ATXN7: variants seen among roughly 807,000 people sequenced by gnomAD.
ATXN7 encodes the protein ataxin-7.
A neutral mutation model predicts 70.5 loss-of-function variants in ATXN7; 12 were observed. The ratio of observed to expected loss-of-function variants is 0.17; its 90% confidence interval spans 0.11 to 0.28. ATXN7 has a LOEUF of 0.28. Ranked by LOEUF, ATXN7 falls within the 10% of genes least tolerant of loss-of-function variation. The pLI, the probability that ATXN7 is intolerant of heterozygous loss-of-function variation, is 1.00. For missense variants in ATXN7, 1,256 were observed against 1,131.7 expected (o/e 1.11, Z -1.58); for synonymous variants, 498 against 448.7 (o/e 1.11, Z -1.39).
intron 5 of ATXN7, among the ~76,000 whole-genome samples, chr3:63,958,693 A>G (rs1437535491): frequency 6.6e-6 from 1 of 152,212 alleles, no homozygotes; most frequent in Non-Finnish European, 1.5e-5. Context: ...TGCTAAATTT[A>G]AGTCCACTGA....
intron 1 of ATXN7, among the ~76,000 whole-genome samples, chr3:63,883,540 TA>T (rs3836523): frequency 0.11 from 16,703 of 146,076 alleles, 1,040 homozygotes; most frequent in Admixed American, 0.16. Context: ...TATTCCCAAT[TA>T]AAAAAAAAAA....
intron 8 of ATXN7, among the ~76,000 whole-genome samples, 175 bp downstream of exon 8, chr3:63,983,196 T>TG (rs1377101941): frequency 1.3e-5 from 2 of 152,200 alleles, no homozygotes; most frequent in East Asian, 3.9e-4. Context: ...ATTGACAAAA[T>TG]GTGAAGTGCG....
intron 4 of ATXN7, among the ~76,000 whole-genome samples, chr3:63,949,733 G>A (rs2074923660): frequency 6.6e-6 from 1 of 152,132 alleles, no homozygotes; most frequent in African/African-American, 2.4e-5. Flanking sequence ...AATGAACTGG[G>A]TTTAAGTATA....
chr3:63,914,181 G>A (rs1011414411), intron 4 of ATXN7, among the ~76,000 whole-genome samples: 1 of 152,174 alleles, frequency 6.6e-6, no homozygotes, highest in Non-Finnish European at 1.5e-5. Context: ...TATGGCCCAA[G>A]GATAGGTAGA....
intron 5 of ATXN7, among the ~76,000 whole-genome samples, chr3:63,977,430 G>C (rs570917717): frequency 1.3e-5 from 2 of 152,232 alleles, no homozygotes; most frequent in African/African-American, 4.8e-5. Flanking sequence ...TTAAAAGTCA[G>C]AGTTCTAGTT....
In ATXN7 at chr3:63,952,835, CTTTTTTTTTTT is replaced by C. The variant is rs59256288; in HGVS notation, c.499+373_499+383del. Reference sequence around the variant, plus strand: ...ACACTCACAATATGGATGCATGGGCCTTTTTTTTTTTTTTTTTTTTTTTTTTTTTTTAAGGA... The same window carrying C: ...ACACTCACAATATGGATGCATGGGCCTTTTTTTTTTTTTTTTTTTTAAGGA... On this transcript the variant is annotated intron_variant, in intron 5 of 12. Coordinates refer to ENST00000674280, the MANE Select transcript of ATXN7 (RefSeq NM_001377405.1). Among the ~76,000 whole-genome samples, 161 of 49,174 alleles carry C rather than the reference CTTTTTTTTTTT, an allele frequency of 3.3e-3. 3 individuals carry two copies. The highest frequency in any genetic ancestry group is 0.015 in the African/African-American group (147 of 9,816). 32.3% of individuals were successfully genotyped at this position (49,174 alleles called of 152,430 possible).
At chr3:63,868,682 T>A (rs564567864) in intron 1 of ATXN7, among the ~76,000 whole-genome samples, 12 of 152,128 alleles carry the variant, frequency 7.9e-5, no homozygotes, top group Middle Eastern at 3.4e-3. Context: ...CAGGAAGAAA[T>A]GATAGCCACC....
At chr3:63,891,288 C>T (rs1703255468) in intron 1 of ATXN7, among the ~76,000 whole-genome samples, 2 of 151,870 alleles carry the variant, frequency 1.3e-5, no homozygotes, top group Non-Finnish European at 1.5e-5. Flanking sequence ...GGATTACAGG[C>T]GTGAGCGACG....
At chr3:63,988,639 C>T (rs1206371846) in intron 9 of ATXN7, among the ~76,000 whole-genome samples, 1 of 152,210 alleles carries the variant, frequency 6.6e-6, no homozygotes, top group Non-Finnish European at 1.5e-5. Context: ...GTGACAGGAA[C>T]TCTTCACATG....
At chr3:63,886,640 T>C (rs536268238) in intron 1 of ATXN7, among the ~76,000 whole-genome samples, 16 of 152,358 alleles carry the variant, frequency 1.1e-4, no homozygotes, top group Non-Finnish European at 1.9e-4. Flanking sequence ...GAACTCTCTG[T>C]ATAATCTTTG....
intron 5 of ATXN7, among the ~76,000 whole-genome samples, chr3:63,971,566 A>G (rs867768554): frequency 1.3e-5 from 2 of 152,218 alleles, no homozygotes; most frequent in African/African-American, 4.8e-5. Flanking sequence ...GTTGACAACA[A>G]TGAAAGTAGT....
intron 1 of ATXN7, among the ~76,000 whole-genome samples, chr3:63,892,541 G>C (rs1007690253): frequency 6.6e-6 from 1 of 151,548 alleles, no homozygotes; most frequent in Non-Finnish European, 1.5e-5. Context: ...CGGAGTACTG[G>C]ACTTTAATTT....
At chr3:63,979,354 AT>A (rs1435424034) in intron 5 of ATXN7, among the ~76,000 whole-genome samples, 1 of 152,232 alleles carries the variant, frequency 6.6e-6, no homozygotes, top group Non-Finnish European at 1.5e-5. Flanking sequence ...TCACTGGAAA[AT>A]TTCAGCACAG....
intron 5 of ATXN7, among the ~76,000 whole-genome samples, chr3:63,973,892 A>G (rs1225779699): frequency 6.6e-6 from 1 of 152,062 alleles, no homozygotes; most frequent in Non-Finnish European, 1.5e-5. Context: ...GCACAACTCA[A>G]AGGTGGGCAT....
In ATXN7 at chr3:63,979,931, A is replaced by G; in HGVS notation, c.516A>G (p.Ser172=). 1 of 1,614,174 alleles carries G rather than the reference A, an allele frequency of 6.2e-7. No individual in the cohort carries two copies. The highest frequency in any genetic ancestry group is 2.2e-5 in the East Asian group (1 of 44,874). ...CGTTTTCAGAAAGAAGACATAGCTC[A>G]TCCAGCAAGCCGCCTTTGGCCGTTC... ...FQSHYERRHS[S]SSKPPLAVPP... is the part of the protein sequence containing the mutation. Residue 172 remains serine, a synonymous_variant, in exon 6 of 13, where the codon TCA becomes TCG. Transcript: ENST00000674280.
intron 4 of ATXN7, among the ~76,000 whole-genome samples, chr3:63,937,042 T>G (rs2107353579): frequency 6.6e-6 from 1 of 152,292 alleles, no homozygotes. Flanking sequence ...AGAGTGAAAA[T>G]GTTCCTGCCT....
chr3:63,969,302 A>G (rs1484830571), intron 5 of ATXN7, among the ~76,000 whole-genome samples: 2 of 152,170 alleles, frequency 1.3e-5, no homozygotes, highest in Non-Finnish European at 2.9e-5. Context: ...AGGTGATATA[A>G]AAAGGATATA....
intron 4 of ATXN7, among the ~76,000 whole-genome samples, chr3:63,941,519 C>T (rs1476106417): frequency 6.6e-6 from 1 of 152,174 alleles, no homozygotes; most frequent in Non-Finnish European, 1.5e-5. Context: ...TCTCCTTGCC[C>T]CAGTCCCATG....
At chr3:63,972,560 C>G (rs146169273) in intron 5 of ATXN7, among the ~76,000 whole-genome samples, 68 of 152,294 alleles carry the variant, frequency 4.5e-4, no homozygotes, top group African/African-American at 1.6e-3. Flanking sequence ...GATCTGTAAA[C>G]TGAATTTGAG....
Sources: gnomAD v4.1 joint callset for allele counts (sites outside exome capture counted in the v4.1 genomes callset) on GRCh38, gnomAD v4.1.1 for gene constraint, MANE v1.5 for transcripts, NCBI Gene and HGNC (gene_info 2026-07-23, HGNC 2026-07-21) for gene names.